The following ANAPC2 variants were observed in gnomAD, a reference collection of about 807,000 sequenced individuals.
The protein encoded by ANAPC2 is anaphase-promoting complex subunit 2.
A neutral mutation model predicts 84.3 loss-of-function variants in ANAPC2; 29 were observed. The observed-to-expected ratio is 0.34, with a 90% CI of 0.26 to 0.47. The LOEUF is 0.47. Ranked by LOEUF, ANAPC2 falls within the 20% of genes least tolerant of loss-of-function variation. The probability of loss-of-function intolerance (pLI) is 1.00; values close to 1 mark genes in which losing one functional copy is unlikely to be tolerated. For missense variants in ANAPC2, 857 were observed against 1,131.7 expected (o/e 0.76, Z 3.48); for synonymous variants, 571 against 479.4 (o/e 1.19, Z -2.50).
At chr9:137,179,182 G>C (rs927774939) in intron 10 of ANAPC2, among the ~76,000 whole-genome samples, 6 of 152,140 alleles carry the variant, frequency 3.9e-5, no homozygotes, top group Non-Finnish European at 8.8e-5. Context: ...CTGCAGACTG[G>C]ATGCTGGCTG....
rs1304896526 is a variant in ANAPC2, at chr9:137,175,330, A to G, written c.2163T>C (p.Pro721=). Residue 721 remains proline (P), a synonymous_variant, in exon 12 of 13, where the codon CCT becomes CCC. Transcript: ENST00000323927. The stretch of plus-strand genomic sequence containing the variant: ...TGAGCACCATGTTGTCCCGGTCCTG[A>G]GGCCGCTCCTCCTCAATGACAGAGA... ...GTFSVIEEER[P]QDRDNMVLID... 6.2e-7 allele frequency: 1 copy of G among 1,612,602 alleles called. No individual in the cohort carries two copies. Among genetic ancestry groups the G allele is most frequent in the Non-Finnish European group, 8.5e-7 (1 of 1,179,854 alleles).
In ANAPC2 at chr9:137,188,483, C is replaced by A; in HGVS notation, c.50G>T (p.Gly17Val). ...VAEGDSDSRP[G>V]QELLVAWNTV... ...GTTCCAGGCCACTAACAACTCCTGT[C>A]CGGGCCGGGAGTCGCTGTCCCCCTC... The change falls in exon 1 of 13, where the codon GGA (glycine) becomes GTA (valine). Residue 17 changes from glycine (G) to valine (V), a missense_variant. Physicochemically the swap from Gly to Val is moderately radical, Grantham distance 109 (BLOSUM62 -3). Transcript: ENST00000323927. 1.9e-6 allele frequency: 3 copies of A among 1,610,370 alleles called. No homozygotes were observed. The highest frequency in any genetic ancestry group is 2.5e-6 in the Non-Finnish European group (3 of 1,179,504).
At chr9:137,188,196 C>G in intron 1 of ANAPC2, 93 bp from the exon 2 acceptor site, 2 of 1,479,270 alleles carry the variant, frequency 1.4e-6, no homozygotes, top group Non-Finnish European at 1.8e-6. Context: ...GCTGCAAAAA[C>G]TCCGCTGCCC....
intron 5 of ANAPC2, 132 bp from the exon 6 acceptor site, chr9:137,183,374 C>T: frequency 1.2e-6 from 1 of 831,048 alleles, no homozygotes; most frequent in South Asian, 1.5e-5. Flanking sequence ...GTTCCCTTGT[C>T]CCCCCATCCC....
In ANAPC2 at chr9:137,175,834, T is replaced by A; in HGVS notation, c.1894A>T (p.Met632Leu). The A allele has an allele frequency of 6.2e-7, 1 of 1,604,952 alleles. No individual in the cohort carries two copies. The highest frequency in any genetic ancestry group is 8.5e-7 in the Non-Finnish European group (1 of 1,176,054). Residue 632 changes from methionine to leucine, a missense_variant, in exon 11 of 13, where the codon ATG becomes TTG. Transcript: ENST00000323927. ...GTGTGCTTCCAACTGAGGGTCCGCA[T>A]GGCCTAAGGAGGGCCAGGGTCAGCA... ...YCKKYEQLKA[M>L]RTLSWKHTLG...
In ANAPC2 at chr9:137,187,711, T is replaced by G; in HGVS notation, c.510A>C (p.Gln170His). The change falls in exon 2 of 13, where the codon CAA (glutamine) becomes CAC (histidine). Residue 170 changes from glutamine (Q) to histidine (H), a missense_variant. Physicochemically the swap from Gln to His is conservative, Grantham distance 24. This residue lies in a region of ANAPC2 where 428 missense variants were observed against 513.8 expected (regional missense o/e 0.83). Coordinates refer to ENST00000323927, the MANE Select transcript of ANAPC2 (RefSeq NM_013366.4). The part of the protein sequence containing the change: ...VLFFSTPRTF[Q>H]EMIQRLYGCF... The stretch of plus-strand genomic sequence containing the variant: ...ACCCATACAGACGCTGGATCATCTC[T>G]TGGAAGGTTCTGGGGGTGCTAAAGA... 6.2e-7 allele frequency: 1 copy of G among 1,613,982 alleles called. No individual in the cohort carries two copies. Among genetic ancestry groups the G allele is most frequent in the Non-Finnish European group, 8.5e-7 (1 of 1,180,034 alleles).
intron 3 of ANAPC2, among the ~76,000 whole-genome samples, chr9:137,185,392 G>C (rs1361101165): frequency 6.6e-6 from 1 of 152,226 alleles, no homozygotes; most frequent in East Asian, 1.9e-4. Flanking sequence ...CGCTGTGCCT[G>C]GTGGGCACAC....
At chr9:137,183,564 A>C in intron 5 of ANAPC2, 108 bp downstream of exon 5, 2 of 1,463,538 alleles carry the variant, frequency 1.4e-6, no homozygotes, top group Non-Finnish European at 1.8e-6. Flanking sequence ...TTTCTTCCTT[A>C]GACCTACAAG....
intron 10 of ANAPC2, 69 bp downstream of exon 10, chr9:137,180,112 G>T: frequency 1.3e-6 from 2 of 1,515,194 alleles, no homozygotes; most frequent in South Asian, 2.4e-5. Context: ...CAGGCACCAG[G>T]CTGCTGGGAG....
Position 137,185,070 on chromosome 9 carries a change from G to T in ANAPC2, c.891C>A (p.Val297=), listed in dbSNP as rs11549106. Residue 297 remains valine (V), a synonymous_variant, in exon 4 of 13, where the codon GTC becomes GTA. Transcript: ENST00000323927. ...REFHKWIERV[V]GWLGKVFLQD... The stretch of plus-strand genomic sequence containing the variant: ...GCAGGAACACCTTGCCGAGCCAGCC[G>T]ACCACCCGCTCGATCCACTGTCAGG... 5.8e-6 allele frequency: 9 copies of T among 1,547,486 alleles called. No individual in the cohort carries two copies. The highest frequency in any genetic ancestry group is 7.0e-6 in the Non-Finnish European group (8 of 1,147,378).
chr9:137,185,249 G>A (rs1021319526), intron 3 of ANAPC2, among the ~76,000 whole-genome samples, 162 bp from the exon 4 acceptor site: 4 of 152,194 alleles, frequency 2.6e-5, no homozygotes, highest in Non-Finnish European at 5.9e-5. Context: ...AAACCTGCAG[G>A]GTGGGTGATG....
intron 4 of ANAPC2, among the ~76,000 whole-genome samples, chr9:137,184,158 G>A (rs998078466): frequency 2.0e-5 from 3 of 152,264 alleles, no homozygotes; most frequent in African/African-American, 7.2e-5. Flanking sequence ...CTGCAAGAGC[G>A]ACAGCGAAGG....
At chr9:137,178,816 G>A (rs1034459922) in intron 10 of ANAPC2, among the ~76,000 whole-genome samples, 1 of 152,136 alleles carries the variant, frequency 6.6e-6, no homozygotes, top group Non-Finnish European at 1.5e-5. Context: ...TCAGCAGCCC[G>A]GCCCTACCAC....
In ANAPC2 at chr9:137,180,500, C is replaced by T; in HGVS notation, c.1638G>A (p.Lys546=). ...EREIRNVELL[K]LRFGEAPMHF... ...GCATTGGGGCCTCGCCAAAGCGCAG[C>T]TTCAGCAGCTCCACGTTGCGGATCT... Residue 546 remains lysine, a synonymous_variant, in exon 9 of 13, where the codon AAG becomes AAA. Coordinates refer to ENST00000323927, the MANE Select transcript of ANAPC2 (RefSeq NM_013366.4). The T allele has an allele frequency of 1.2e-6, 2 of 1,613,046 alleles. No homozygotes were observed. Among genetic ancestry groups the T allele is most frequent in the South Asian group, 2.2e-5 (2 of 91,088 alleles).
intron 8 of ANAPC2, 86 bp from the exon 9 acceptor site, chr9:137,180,613 G>A: frequency 6.3e-7 from 1 of 1,588,782 alleles, no homozygotes; most frequent in South Asian, 1.1e-5. Flanking sequence ...GTGCCCCCCA[G>A]GCAGAGCAGG....
At chr9:137,180,082 G>T in intron 10 of ANAPC2, 99 bp downstream of exon 10, 1 of 1,340,792 alleles carries the variant, frequency 7.5e-7, no homozygotes, top group Non-Finnish European at 1.0e-6. Context: ...AGAGACACTC[G>T]GGTGACAACG....
rs1196082205 is a variant in ANAPC2 at position 137,181,796 on chromosome 9, G to C, written c.1353C>G (p.Asp451Glu). Reference sequence around the variant, plus strand: ...CGGTCTTGGACAGCTCAACAGCCAGGTCCCCTGTCCCGTCCGAGTCCCCCG... The same window carrying C: ...CGGTCTTGGACAGCTCAACAGCCAGCTCCCCTGTCCCGTCCGAGTCCCCCG... ...GLTGDSDGTG[D>E]LAVELSKTDP... The change falls in exon 7 of 13, where the codon GAC becomes GAG. Residue 451 changes from aspartate (D) to glutamate (E), a missense_variant. Asp to Glu is a conservative substitution (Grantham distance 45). Coordinates refer to ENST00000323927, the MANE Select transcript of ANAPC2 (RefSeq NM_013366.4). 6.2e-7 allele frequency: 1 copy of C among 1,609,906 alleles called. No individual in the cohort carries two copies. Among genetic ancestry groups the C allele is most frequent in the Non-Finnish European group, 8.5e-7 (1 of 1,179,942 alleles).
chr9:137,180,058 G>A (rs1834309224), intron 10 of ANAPC2, 123 bp downstream of exon 10: 2 of 1,142,046 alleles, frequency 1.8e-6, no homozygotes, highest in Non-Finnish European at 2.4e-6. Flanking sequence ...GCGGCTGCGA[G>A]ACAGGACCAA....
chr9:137,176,756 G>C (rs938430940), intron 10 of ANAPC2: 1 of 152,290 alleles, frequency 6.6e-6, no homozygotes, highest in African/African-American at 2.4e-5. Context: ...GCAGCAGAGA[G>C]CTTGGCTGGC....
Sources: gnomAD v4.1 joint callset for allele counts (sites outside exome capture counted in the v4.1 genomes callset) on GRCh38, gnomAD v4.1.1 for gene constraint, gnomAD v4.1.1 regional missense constraint, MANE v1.5 for transcripts, NCBI Gene and HGNC (gene_info 2026-07-23, HGNC 2026-07-21) for gene names.